ZFYVE26: variants seen among roughly 807,000 people sequenced by gnomAD.
The protein encoded by ZFYVE26 is zinc finger FYVE-type containing 26.
Under a neutral mutation model 276.5 loss-of-function variants are expected in ZFYVE26, and 181 were observed. That is an observed-to-expected ratio of 0.65 (90% confidence interval 0.58 to 0.74). ZFYVE26 has a LOEUF of 0.74. Among genes scored for constraint, ZFYVE26 ranks in the 30% least tolerant of loss-of-function variants. ZFYVE26 has a pLI of 0.00. For synonymous variants in ZFYVE26, 1,129 were observed against 1,203.1 expected (o/e 0.94, Z 1.27); for missense variants, 2,821 against 3,097.9 (o/e 0.91, Z 2.12).
chr14:67,807,280 C>T, intron 5 of ZFYVE26, 118 bp downstream of exon 5: 1 of 1,391,122 alleles, frequency 7.2e-7, no homozygotes. Flanking sequence ...CCCATTTTTG[C>T]TTAGCCTCCC....
At chr14:67,768,127 C>A (rs548675026) in intron 30 of ZFYVE26, among the ~76,000 whole-genome samples, 2 of 152,232 alleles carry the variant, frequency 1.3e-5, no homozygotes, top group East Asian at 3.9e-4. Flanking sequence ...GGCTGAGCCA[C>A]TGGACACTCT....
downstream of ZFYVE26, among the ~76,000 whole-genome samples, chr14:67,742,062 C>T (rs897418874): frequency 6.6e-6 from 1 of 152,240 alleles, no homozygotes; most frequent in African/African-American, 2.4e-5. Context: ...TGGAGAAAAT[C>T]ACTCAGTCTC....
At chr14:67,739,951 C>T (rs2038396277) in intron 13 of ZFYVE26, among the ~76,000 whole-genome samples, 1 of 152,140 alleles carries the variant, frequency 6.6e-6, no homozygotes, top group Admixed American at 6.6e-5. Context: ...AAGTTTATTT[C>T]TCGCTCATGT....
At chr14:67,740,445 C>T (rs2038403616) in intron 13 of ZFYVE26, among the ~76,000 whole-genome samples, 1 of 151,560 alleles carries the variant, frequency 6.6e-6, no homozygotes, top group Non-Finnish European at 1.5e-5. Flanking sequence ...ATTTTAAATC[C>T]AAATTATTTA....
In ZFYVE26 at chr14:67,814,167, A is replaced by G; in HGVS notation, c.195-103T>C. 4 of 906,048 alleles carry G rather than the reference A, an allele frequency of 4.4e-6. No homozygotes were observed. The South Asian group carries it at 5.5e-5, about 13-fold the overall frequency. 56.1% of individuals were successfully genotyped at this position (906,048 alleles called of 1,614,324 possible). On this transcript the variant is annotated intron_variant, in intron 2 of 41. Transcript: ENST00000347230. ...CATTGCTTATTCTGTTTTAAACCTG[A>G]ACAGGCAAGACACTGCCCTAATGAG...
Position 67,752,338 on chromosome 14 carries a change from G to C in ZFYVE26, c.7371+6C>G, listed in dbSNP as rs894907950. 29 of 1,607,634 alleles carry C rather than the reference G, an allele frequency of 1.8e-5. No homozygotes were observed. The highest frequency in any genetic ancestry group is 2.5e-5 in the Non-Finnish European group (29 of 1,177,156). On this transcript the variant is annotated splice_donor_region_variant and intron_variant, in intron 40 of 41. Transcript: ENST00000347230. ...GAGGAGCCAAGAGGTACGGGAGGGA[G>C]TGTACCTGGGGCGGAATTCTCTTGA...
At chr14:67,803,490 C>T (rs1350247968) in intron 9 of ZFYVE26, among the ~76,000 whole-genome samples, 1 of 152,030 alleles carries the variant, frequency 6.6e-6, no homozygotes, top group East Asian at 1.9e-4. Flanking sequence ...TACAGGCGCG[C>T]ACCACCACAC....
chr14:67,758,147 G>A (rs1007908138), intron 35 of ZFYVE26, among the ~76,000 whole-genome samples: 6 of 152,168 alleles, frequency 3.9e-5, no homozygotes, highest in African/African-American at 1.4e-4. Context: ...AAGTCACAGT[G>A]GTATAACATG....
At chr14:67,768,039 C>T (rs919044711) in intron 30 of ZFYVE26, among the ~76,000 whole-genome samples, 199 bp from the exon 31 acceptor site, 8 of 152,130 alleles carry the variant, frequency 5.3e-5, no homozygotes, top group Admixed American at 2.6e-4. Flanking sequence ...AGACCTGAGG[C>T]GAGTGTTACA....
At chr14:67,804,610 T>G (rs1302168700) in intron 8 of ZFYVE26, among the ~76,000 whole-genome samples, 1 of 152,180 alleles carries the variant, frequency 6.6e-6, no homozygotes, top group African/African-American at 2.4e-5. Context: ...TAAGAGCCCC[T>G]TGCTACTTCC....
intron 13 of ZFYVE26, chr14:67,734,086 C>T (rs2038322151): frequency 5.0e-6 from 2 of 396,288 alleles, no homozygotes; most frequent in East Asian, 1.2e-4. Flanking sequence ...GGAAAGTCAG[C>T]AACCCTCTGG....
chr14:67,736,357 G>A (rs892707916), intron 13 of ZFYVE26, among the ~76,000 whole-genome samples: 6 of 152,212 alleles, frequency 3.9e-5, no homozygotes, highest in Admixed American at 1.3e-4. Flanking sequence ...TTTTGATATC[G>A]CTATCATATT....
At chr14:67,815,689 G>A in intron 2 of ZFYVE26, 81 bp downstream of exon 2, 1 of 1,366,560 alleles carries the variant, frequency 7.3e-7, no homozygotes, top group Non-Finnish European at 1.0e-6. Flanking sequence ...TAGTTGAGTG[G>A]GGGCACATTG....
downstream of ZFYVE26, among the ~76,000 whole-genome samples, chr14:67,743,681 AGTCAAAAG>A (rs2038446920): frequency 6.6e-6 from 1 of 152,158 alleles, no homozygotes; most frequent in African/African-American, 2.4e-5. Context: ...TCCAGGAGGT[AGTCAAAAG>A]GCAGATCTGG....
rs2038746267 is a variant in ZFYVE26, at chr14:67,755,190, T to C, written c.6847A>G (p.Thr2283Ala). 4 of 1,614,056 alleles carry C rather than the reference T, an allele frequency of 2.5e-6. No homozygotes were observed. The highest frequency in any genetic ancestry group is 1.6e-4 in the Middle Eastern group (1 of 6,084). The stretch of plus-strand genomic sequence containing the variant: ...CATGAGAGCTTCTCTCCCAGTTCTG[T>C]ATATGACTTTGCTTTGTGACTGAAG... ...RFFSHKAKSY[T>A]ELGEKLSWLL... The change falls in exon 37 of 42, where the codon ACA becomes GCA. Residue 2283 changes from threonine (T) to alanine (A), a missense_variant. Transcript: ENST00000347230.
In ZFYVE26 at chr14:67,783,361, C is replaced by T. The variant is rs1024891250; in HGVS notation, c.3791G>A (p.Cys1264Tyr). The T allele has an allele frequency of 1.5e-5, 25 of 1,613,264 alleles. No homozygotes were observed. The highest frequency in any genetic ancestry group is 2.1e-5 in the Non-Finnish European group (25 of 1,179,450). ...TGTAGAAAGTGGGAGGTCATCCAGG[C>T]AGTGAGAGGCGTGTAGCTGGGCCAG... Reference protein sequence around the residue: ...GTLAQLHASHCLDDLPLSTPS... With the variant: ...GTLAQLHASHYLDDLPLSTPS... Residue 1264 changes from cysteine (C) to tyrosine (Y), a missense_variant, in exon 21 of 42, where the codon TGC (cysteine) becomes TAC (tyrosine). Coordinates refer to ENST00000347230, the MANE Select transcript of ZFYVE26 (RefSeq NM_015346.4).
At chr14:67,752,702 A>G (rs1461187180) in intron 39 of ZFYVE26, among the ~76,000 whole-genome samples, 176 bp from the exon 40 acceptor site, 6 of 152,258 alleles carry the variant, frequency 3.9e-5, no homozygotes, top group African/African-American at 1.4e-4. Context: ...CTTTGGAGTT[A>G]GGTAGACCTT....
chr14:67,813,406 T>A (rs2040340691), intron 3 of ZFYVE26, among the ~76,000 whole-genome samples: 2 of 152,180 alleles, frequency 1.3e-5, no homozygotes, highest in African/African-American at 4.8e-5. Flanking sequence ...AAGATATAAA[T>A]TTCTGATAAT....
chr14:67,751,600 G>A (rs1179952851), intron 40 of ZFYVE26: 2 of 222,574 alleles, frequency 9.0e-6, no homozygotes, highest in South Asian at 6.9e-5. Context: ...AAGGCCAGGT[G>A]CAGTGGCTCA....
Sources: gnomAD v4.1 joint callset for allele counts (sites outside exome capture counted in the v4.1 genomes callset) on GRCh38, gnomAD v4.1.1 for gene constraint, MANE v1.5 for transcripts, NCBI Gene and HGNC (gene_info 2026-07-23, HGNC 2026-07-21) for gene names.